The following LINGO2 variants were observed in gnomAD, a reference collection of about 807,000 sequenced individuals.
LINGO2 encodes leucine rich repeat and Ig domain containing 2.
Under a neutral mutation model 30.6 loss-of-function variants are expected in LINGO2, and 14 were observed. The observed-to-expected ratio is 0.46, with a 90% CI of 0.30 to 0.72. LINGO2 has a LOEUF of 0.72. Among genes scored for constraint, LINGO2 ranks in the 30% least tolerant of loss-of-function variants. The pLI is 0.07. For missense variants in LINGO2, 729 were observed against 751.7 expected, an observed-to-expected ratio of 0.97 and a Z score of 0.35; for synonymous variants, 317 against 288.5, an observed-to-expected ratio of 1.10 and a Z score of -1.00.
intron 4 of LINGO2, among the ~76,000 whole-genome samples, chr9:28,150,934 C>T (rs1369277092): frequency 6.6e-6 from 1 of 152,138 alleles, no homozygotes; most frequent in East Asian, 1.9e-4. Flanking sequence ...GAAATATTGC[C>T]AAACTTAATT....
chr9:28,310,149 G>A (rs1038722986), intron 3 of LINGO2, among the ~76,000 whole-genome samples: 1 of 152,052 alleles, frequency 6.6e-6, no homozygotes, highest in African/African-American at 2.4e-5. Context: ...AAAATGTTAA[G>A]CATACACAAA....
chr9:28,859,218 CAG>C, the LINGO2 span, among the ~76,000 whole-genome samples: 1 of 151,958 alleles, frequency 6.6e-6, no homozygotes, highest in African/African-American at 2.4e-5. Context: ...AGCAAAATTG[CAG>C]AGATTTAGTT....
chr9:29,181,221 C>A, the LINGO2 span, among the ~76,000 whole-genome samples: 1 of 152,064 alleles, frequency 6.6e-6, no homozygotes, highest in Non-Finnish European at 1.5e-5. Flanking sequence ...GTACAAAAAG[C>A]GTAGTTTCCT....
At chr9:28,595,797 T>A (rs1825146317) in intron 1 of LINGO2, among the ~76,000 whole-genome samples, 1 of 152,116 alleles carries the variant, frequency 6.6e-6, no homozygotes, top group South Asian at 2.1e-4. Flanking sequence ...AGTTGTATTG[T>A]CACATTGCCT....
the LINGO2 span, among the ~76,000 whole-genome samples, chr9:28,933,335 T>A: frequency 5.3e-5 from 8 of 152,238 alleles, no homozygotes; most frequent in Non-Finnish European, 8.8e-5. Flanking sequence ...AAAACTCTTT[T>A]GCAAACTCTT....
At chr9:28,250,772 T>C (rs1239487805) in intron 4 of LINGO2, among the ~76,000 whole-genome samples, 1 of 152,194 alleles carries the variant, frequency 6.6e-6, no homozygotes, top group Non-Finnish European at 1.5e-5. Flanking sequence ...ATGCCCTATC[T>C]GGCAGTAATA....
chr9:28,803,502 T>A, the LINGO2 span, among the ~76,000 whole-genome samples: 2 of 151,770 alleles, frequency 1.3e-5, no homozygotes, highest in African/African-American at 4.8e-5. Flanking sequence ...TTAAATATGA[T>A]ATAAATTTTT....
chr9:28,491,958 A>G (rs1368714326), intron 1 of LINGO2, among the ~76,000 whole-genome samples: 2 of 152,214 alleles, frequency 1.3e-5, no homozygotes, highest in Admixed American at 6.6e-5. Flanking sequence ...TATTATTTGT[A>G]TTGTTGGCAA....
the LINGO2 span, among the ~76,000 whole-genome samples, chr9:28,994,434 C>T: frequency 2.8e-4 from 43 of 151,866 alleles, no homozygotes; most frequent in African/African-American, 9.7e-4. Flanking sequence ...GTGAAAATGG[C>T]CATACTGCCC....
At chr9:28,944,282 G>A in the LINGO2 span, among the ~76,000 whole-genome samples, 1 of 152,238 alleles carries the variant, frequency 6.6e-6, no homozygotes, top group African/African-American at 2.4e-5. Flanking sequence ...ATTGTTTTAG[G>A]TAACATCACA....
the LINGO2 span, among the ~76,000 whole-genome samples, chr9:28,718,300 G>T: frequency 6.6e-6 from 1 of 151,950 alleles, no homozygotes. Context: ...TGATGGGCCA[G>T]CTCAAAGCTG....
At chr9:28,028,981 C>A (rs762881548) in intron 4 of LINGO2, among the ~76,000 whole-genome samples, 3 of 152,148 alleles carry the variant, frequency 2.0e-5, no homozygotes, top group Admixed American at 6.5e-5. Context: ...CAGACAACTG[C>A]TTATTGGGTG....
chr9:29,143,876 T>G, the LINGO2 span, among the ~76,000 whole-genome samples: 1 of 152,204 alleles, frequency 6.6e-6, no homozygotes, highest in Non-Finnish European at 1.5e-5. Context: ...TTGCCTAGAT[T>G]TTCTTCTAGG....
At chr9:28,734,328 G>A in the LINGO2 span, among the ~76,000 whole-genome samples, 1 of 152,128 alleles carries the variant, frequency 6.6e-6, no homozygotes, top group Non-Finnish European at 1.5e-5. Flanking sequence ...GACAAAGTAG[G>A]ATGGTGCAAG....
chr9:28,571,166 C>A (rs1411531245), intron 1 of LINGO2, among the ~76,000 whole-genome samples: 3 of 151,966 alleles, frequency 2.0e-5, no homozygotes, highest in African/African-American at 7.2e-5. Flanking sequence ...AAAATACTTT[C>A]ATGGCTGCTT....
intron 3 of LINGO2, among the ~76,000 whole-genome samples, chr9:28,317,636 CAG>C (rs895295638): frequency 5.6e-5 from 8 of 143,260 alleles, no homozygotes; most frequent in African/African-American, 1.7e-4. Flanking sequence ...TCTGAAAAAA[CAG>C]AGTGTTAAAA....
At chr9:28,526,055 CAAAAAAAAAAAA>C (rs58629857) in intron 1 of LINGO2, among the ~76,000 whole-genome samples, 5 of 48,518 alleles carry the variant, frequency 1.0e-4, no homozygotes, top group Non-Finnish European at 1.5e-4. Context: ...GACTCCGTCT[CAAAAAAAAAAAA>C]AAAAAAAAAG....
At chr9:28,908,191 A>C in the LINGO2 span, among the ~76,000 whole-genome samples, 1 of 151,480 alleles carries the variant, frequency 6.6e-6, no homozygotes, top group Non-Finnish European at 1.5e-5. Flanking sequence ...CTTCTCAAGC[A>C]GGTTGCACTG....
intron 3 of LINGO2, among the ~76,000 whole-genome samples, chr9:28,349,599 C>A (rs1819762916): frequency 1.5e-5 from 2 of 136,154 alleles, no homozygotes; most frequent in Admixed American, 1.6e-4. Context: ...AGGAGAACTT[C>A]CCCAATCTAG....
Sources: allele counts gnomAD v4.1 joint callset (sites outside exome capture counted in the v4.1 genomes callset), GRCh38; gene constraint gnomAD v4.1.1; transcripts MANE v1.5; gene names NCBI Gene and HGNC (gene_info 2026-07-23, HGNC 2026-07-21).